The following ZNF397 variants were observed in gnomAD, a reference collection of about 807,000 sequenced individuals.
ZNF397 encodes zinc finger protein 397.
ZNF397 carries 38 observed loss-of-function variants against 50.6 expected under a neutral mutation model. The ratio of observed to expected loss-of-function variants is 0.75; its 90% CI spans 0.58 to 0.98. The LOEUF is 0.98. ZNF397 is among the 50% of genes least tolerant of loss of function. ZNF397 has a pLI of 0.00. For missense variants in ZNF397, 624 were observed against 624.1 expected, an observed-to-expected ratio of 1.00 and a Z score of 0.00; for synonymous variants, 228 against 215.2, an observed-to-expected ratio of 1.06 and a Z score of -0.52.
At chr18:35,254,845 G>A (rs2043741244) in intron 5 of ZNF397, 1 of 188,926 alleles carries the variant, frequency 5.3e-6, no homozygotes, top group Admixed American at 5.4e-5. Flanking sequence ...AATGCTTTGG[G>A]AGTTAGCACT....
At chr18:35,254,353 C>T (rs754961510), downstream of ZNF397, 1 of 1,613,896 alleles carries the variant, frequency 6.2e-7, no homozygotes, top group Non-Finnish European at 8.5e-7. Context: ...GCTTTGCCAT[C>T]AACACTTTGC....
downstream of ZNF397, among the ~76,000 whole-genome samples, chr18:35,250,668 G>A (rs1289495243): frequency 3.3e-5 from 5 of 152,166 alleles, no homozygotes; most frequent in African/African-American, 1.2e-4. Context: ...TGAGGGAGGA[G>A]GTGGTCATGG....
At chr18:35,250,714 A>G (rs1237738364), downstream of ZNF397, among the ~76,000 whole-genome samples, 1 of 152,224 alleles carries the variant, frequency 6.6e-6, no homozygotes, top group African/African-American at 2.4e-5. Flanking sequence ...CTTCTCAGCA[A>G]TTAGTGTTGA....
chr18:35,252,877 C>T (rs1202613372), downstream of ZNF397: 1 of 153,092 alleles, frequency 6.5e-6, no homozygotes, highest in East Asian at 1.9e-4. Flanking sequence ...CAGCAGGAAG[C>T]TCAGGATTGA....
chr18:35,247,148 G>C lies in ZNF397; in HGVS notation c.*838G>C, dbSNP rs2143608677. The C allele has an allele frequency of 1.0e-6, 1 of 985,538 alleles. No homozygotes were observed. The highest frequency in any genetic ancestry group is 1.7e-5 in the African/African-American group (1 of 57,370). 61.0% of individuals were successfully genotyped at this position (985,538 alleles called of 1,614,324 possible). A position where few individuals can be genotyped will look rare whatever the true frequency, so the allele number is the denominator to read the frequency against. Reference sequence around the variant, plus strand: ...ATTCCTTGAGTTCCTGTTGTAGTGAGGTCTTGTCTGTCAGAGAAGTCTGGG... The same window carrying C: ...ATTCCTTGAGTTCCTGTTGTAGTGACGTCTTGTCTGTCAGAGAAGTCTGGG... On this transcript the variant is annotated 3_prime_UTR_variant, in exon 4 of 4. Coordinates refer to ENST00000330501, the MANE Select transcript of ZNF397 (RefSeq NM_001135178.3).
chr18:35,256,870 C>T (rs1348456776), intron 5 of ZNF397, among the ~76,000 whole-genome samples: 1 of 152,176 alleles, frequency 6.6e-6, no homozygotes, highest in African/African-American at 2.4e-5. Context: ...AAATCCTGGA[C>T]TCAAGGGATC....
chr18:35,244,386 C>T (rs954486241), intron 3 of ZNF397, among the ~76,000 whole-genome samples: 2 of 152,094 alleles, frequency 1.3e-5, no homozygotes, highest in African/African-American at 4.8e-5. Flanking sequence ...AAGTAAAATG[C>T]CCAATTAGCA....
Position 35,247,350 on chromosome 18 carries a change from T to G in ZNF397, c.*1040T>G, listed in dbSNP as rs1598585911. On this transcript the variant is annotated 3_prime_UTR_variant, in exon 4 of 4. Coordinates refer to ENST00000330501, the MANE Select transcript of ZNF397 (RefSeq NM_001135178.3). The stretch of plus-strand genomic sequence containing the variant: ...GGCTATCCTAGAACTTCCATGAGGG[T>G]GGTGGTGGGAATGAGGGTGAGAAAG... 5.7e-6 allele frequency: 1 copy of G among 173,980 alleles called. No homozygotes were observed. Among genetic ancestry groups the G allele is most frequent in the Non-Finnish European group, 1.1e-5 (1 of 88,020 alleles). 10.8% of individuals were successfully genotyped at this position (173,980 alleles called of 1,614,324 possible). A position where few individuals can be genotyped will look rare whatever the true frequency, so the allele number is the denominator to read the frequency against.
At chr18:35,257,904 C>A (rs757294046) in intron 5 of ZNF397, 1 of 781,072 alleles carries the variant, frequency 1.3e-6, no homozygotes, top group Non-Finnish European at 2.4e-6. Context: ...CCTTCCTAAT[C>A]CTGCTTCTCT....
downstream of ZNF397, among the ~76,000 whole-genome samples, chr18:35,250,679 C>G (rs990957498): frequency 1.3e-5 from 2 of 152,164 alleles, no homozygotes; most frequent in African/African-American, 2.4e-5. Flanking sequence ...GTGGTCATGG[C>G]AGGTCCACAG....
downstream of ZNF397, chr18:35,250,995 G>C (rs1002970089): frequency 2.0e-5 from 3 of 152,020 alleles, no homozygotes; most frequent in Non-Finnish European, 4.4e-5. Flanking sequence ...CTTCCCCATC[G>C]TCCTAGCATT....
In ZNF397 at chr18:35,256,268, C is replaced by T. The variant is rs150343122; in HGVS notation, c.818-1660C>T. 10 of 152,236 alleles carry T rather than the reference C, an allele frequency of 6.6e-5. No individual in the cohort carries two copies. The East Asian group carries it at 1.9e-3, about 29-fold the overall frequency. 9.4% of individuals were successfully genotyped at this position (152,236 alleles called of 1,614,324 possible). A position where few individuals can be genotyped will look rare whatever the true frequency, so the allele number is the denominator to read the frequency against. On this transcript the variant is annotated intron_variant, in intron 5 of 5. Coordinates refer to the ZNF397 transcript ENST00000261333. ...TCTTAGAAAAGACAAATAGAGATTA[C>T]AAGTAGAGACTGGGCACGGTGGCTC...
chr18:35,243,054 A>C (rs1004828292), intron 2 of ZNF397, 98 bp from the exon 3 acceptor site: 38 of 1,560,280 alleles, frequency 2.4e-5, no homozygotes, highest in East Asian at 1.8e-4. Flanking sequence ...CCTGTCCTTC[A>C]TCCCTGGAGA....
In ZNF397 at chr18:35,245,960, C is replaced by G; in HGVS notation, c.1255C>G (p.His419Asp). 6.3e-7 allele frequency: 1 copy of G among 1,582,264 alleles called. No homozygotes were observed. The highest frequency in any genetic ancestry group is 8.6e-7 in the Non-Finnish European group (1 of 1,163,896). Residue 419 changes from histidine to aspartate, a missense_variant, in exon 4 of 4, where the codon CAC (histidine) becomes GAC (aspartate). Transcript: ENST00000330501. Reference protein sequence around the residue: ...SSKLIRHQRIHTGERPYECNE... With the variant: ...SSKLIRHQRIDTGERPYECNE... Reference sequence around the variant, plus strand: ...AAAACTCATTAGACATCAGCGAATTCACACAGGAGAGAGACCCTATGAATG... The same window carrying G: ...AAAACTCATTAGACATCAGCGAATTGACACAGGAGAGAGACCCTATGAATG...
chr18:35,251,095 G>A (rs2043575683), downstream of ZNF397: 1 of 152,042 alleles, frequency 6.6e-6, no homozygotes, highest in Non-Finnish European at 1.5e-5. Flanking sequence ...AATACATCTT[G>A]CATTACATTC....
intron 3 of ZNF397, 120 bp downstream of exon 3, chr18:35,243,413 C>T (rs769210052): frequency 1.2e-5 from 17 of 1,459,986 alleles, no homozygotes; most frequent in Non-Finnish European, 1.6e-5. Context: ...TATTCTAAAC[C>T]AGAGGTGCTC....
At position 35,247,723 on chromosome 18, in the gene ZNF397, T is replaced by C. The variant is rs541504806; in HGVS notation, c.*1413T>C. ...GAGTTCGCTCTTGTCCAGGCTGGAG[T>C]GCAATGGCACGATCTTGGCTCACCG... On this transcript the variant is annotated 3_prime_UTR_variant, in exon 4 of 4. Transcript: ENST00000330501. 7.7e-6 allele frequency: 1 copy of C among 129,588 alleles called. No individual in the cohort carries two copies. The highest frequency in any genetic ancestry group is 2.2e-4 in the East Asian group (1 of 4,524). The allele number at this position is 129,588 out of a possible 1,614,324, so 8.0% of individuals were successfully genotyped here.
At chr18:35,245,217 A>G in intron 3 of ZNF397, 45 bp from the exon 4 acceptor site, 1 of 1,507,848 alleles carries the variant, frequency 6.6e-7, no homozygotes, top group African/African-American at 1.4e-5. Context: ...TTTGACGGTG[A>G]CAAGAGAAAT....
Position 35,245,350 on chromosome 18 carries a change from TAGTG to T in ZNF397, c.648_651del (p.Glu217MetfsTer5), listed in dbSNP as rs774212488. ...CTCAGGAACCTTCATTTCGAGGAAT[TAGTG>T]AGCATGAAAGCAATTTAGTGTGGAA... On this transcript the variant is annotated frameshift_variant, in exon 4 of 4. Transcript: ENST00000330501. LOFTEE classifies it high-confidence loss of function. The T allele has an allele frequency of 1.5e-5, 24 of 1,612,314 alleles. No individual in the cohort carries two copies. The highest frequency in any genetic ancestry group is 4.4e-5 in the South Asian group (4 of 90,740).
Sources: gnomAD v4.1 joint callset for allele counts (sites outside exome capture counted in the v4.1 genomes callset) on GRCh38, gnomAD v4.1.1 for gene constraint, MANE v1.5 for transcripts, NCBI Gene and HGNC (gene_info 2026-07-23, HGNC 2026-07-21) for gene names.